Variants in RAB5IF observed in about 807,000 individuals in gnomAD.
RAB5IF encodes RAB5 interacting factor, also known as GEL complex subunit OPTI.
A neutral mutation model predicts 20.3 loss-of-function variants in RAB5IF; 15 were observed. The observed-to-expected ratio is 0.74, with a 90% confidence interval of 0.50 to 1.14. The LOEUF is 1.14. RAB5IF is among the 50% of genes most tolerant of loss of function. The pLI is 0.00. For missense variants in RAB5IF, 148 were observed against 159.5 expected, an observed-to-expected ratio of 0.93 and a Z score of 0.39; for synonymous variants, 67 against 63.7, an observed-to-expected ratio of 1.05 and a Z score of -0.25.
rs1423690325 is a variant in RAB5IF, at chr20:36,612,438, CT to C, written c.*389del. The C allele has an allele frequency of 1.7e-6, 1 of 596,180 alleles. No homozygotes were observed. Among genetic ancestry groups the C allele is most frequent in the African/African-American group, 1.9e-5 (1 of 53,780 alleles). 36.9% of individuals were successfully genotyped at this position (596,180 alleles called of 1,614,324 possible). A position where few individuals can be genotyped will look rare whatever the true frequency, so the allele number is the denominator to read the frequency against. ...TTAAACTATCAATGGCATTTCAAGT[CT>C]TCTGAAACAGCATGGCTGTATGTGC... is the stretch of plus-strand genomic sequence containing the variant. On this transcript the variant is annotated 3_prime_UTR_variant, in exon 4 of 4. Transcript: ENST00000344795.
At position 36,610,634 on chromosome 20, in the gene RAB5IF, G is replaced by A. The variant is rs111766067; in HGVS notation, c.348+904G>A. ...GGTGTGAACCTGGGAGGCAGAGCTT[G>A]CAGTGTGCCGAGATCGCGCCACTGC... is the stretch of plus-strand genomic sequence containing the variant. On this transcript the variant is annotated intron_variant, in intron 3 of 3. Coordinates refer to ENST00000344795, the MANE Select transcript of RAB5IF (RefSeq NM_018840.5). Among the ~76,000 whole-genome samples, 751 of 151,872 alleles carry A rather than the reference G, an allele frequency of 4.9e-3. 7 individuals are homozygous for A. Among genetic ancestry groups the A allele is most frequent in the African/African-American group, 0.017 (724 of 41,402 alleles).
chr20:36,608,537 G>T (rs2038987182), intron 2 of RAB5IF, among the ~76,000 whole-genome samples: 1 of 150,416 alleles, frequency 6.6e-6, no homozygotes, highest in African/African-American at 2.4e-5. Context: ...GAGTCAGCAG[G>T]TCTGGCATCG....
chr20:36,610,748 G>C (rs2039090904), intron 3 of RAB5IF, among the ~76,000 whole-genome samples: 1 of 151,544 alleles, frequency 6.6e-6, no homozygotes, highest in Non-Finnish European at 1.5e-5. Context: ...TAACATGGAT[G>C]AACCTTAAAA....
chr20:36,609,228 C>CAA, intron 2 of RAB5IF, among the ~76,000 whole-genome samples: 1 of 125,282 alleles, frequency 8.0e-6, no homozygotes, highest in South Asian at 2.6e-4. Flanking sequence ...CGCACACACA[C>CAA]ACACACACAC....
Position 36,612,101 on chromosome 20 carries a change from A to T in RAB5IF, c.*50A>T. The T allele has an allele frequency of 6.2e-7, 1 of 1,614,156 alleles. No individual in the cohort carries two copies. The highest frequency in any genetic ancestry group is 8.5e-7 in the Non-Finnish European group (1 of 1,180,022). On this transcript the variant is annotated 3_prime_UTR_variant, in exon 4 of 4. Transcript: ENST00000344795. ...CTATCCAGTCCAAAGGACCCTCTTG[A>T]TTACAGCACAGGAACTTGATCGTTG...
chr20:36,610,492 G>C (rs2039081705), intron 3 of RAB5IF, among the ~76,000 whole-genome samples: 1 of 151,948 alleles, frequency 6.6e-6, no homozygotes, highest in African/African-American at 2.4e-5. Flanking sequence ...ACAAGGTCAG[G>C]AGATCAAGAC....
At chr20:36,609,256 CT>C (rs1237449521) in intron 2 of RAB5IF, among the ~76,000 whole-genome samples, 51 of 121,628 alleles carry the variant, frequency 4.2e-4, no homozygotes, top group African/African-American at 4.5e-4. Flanking sequence ...CACACACACA[CT>C]ATATATAGAG....
chr20:36,609,219 G>GCA (rs1555790838), intron 2 of RAB5IF, among the ~76,000 whole-genome samples: 11 of 42,822 alleles, frequency 2.6e-4, no homozygotes, highest in Non-Finnish European at 4.0e-4. Flanking sequence ...ACGCACACAC[G>GCA]CACACACACA....
intron 1 of RAB5IF, 106 bp downstream of exon 1, chr20:36,606,171 T>A: frequency 1.5e-6 from 1 of 681,284 alleles, no homozygotes; most frequent in Non-Finnish European, 2.3e-6. Flanking sequence ...CACAATCGAG[T>A]AGGGCAGTGG....
intron 2 of RAB5IF, among the ~76,000 whole-genome samples, chr20:36,609,201 A>G (rs1226931903): frequency 1.7e-5 from 1 of 59,458 alleles, no homozygotes; most frequent in African/African-American, 8.1e-5. Context: ...ACACGCACAC[A>G]CGCACACACG....
At chr20:36,609,821 G>A in intron 3 of RAB5IF, 91 bp downstream of exon 3, 6 of 1,610,484 alleles carry the variant, frequency 3.7e-6, no homozygotes, top group East Asian at 2.2e-5. Flanking sequence ...GTTACACTGT[G>A]TGAGCAGGGT....
intron 2 of RAB5IF, among the ~76,000 whole-genome samples, chr20:36,608,556 CTTT>C (rs34058641): frequency 5.8e-4 from 61 of 104,910 alleles, no homozygotes; most frequent in African/African-American, 2.0e-3. Flanking sequence ...CGGTCTCATT[CTTT>C]TTTTTTTTTT....
chr20:36,607,938 C>G (rs543334461), intron 2 of RAB5IF, 120 bp downstream of exon 2: 2 of 1,532,916 alleles, frequency 1.3e-6, no homozygotes, highest in South Asian at 1.2e-5. Context: ...ATGACTAAAG[C>G]AAAGAAGCAG....
chr20:36,609,870 C>T (rs2039066799), intron 3 of RAB5IF, 140 bp downstream of exon 3: 11 of 1,483,030 alleles, frequency 7.4e-6, no homozygotes, highest in Admixed American at 1.8e-5. Context: ...AGGGCCATGG[C>T]CTGTGTTGAG....
chr20:36,609,555 TCTAAG>T (rs1452850408), intron 2 of RAB5IF, 41 bp from the exon 3 acceptor site: 2 of 1,539,266 alleles, frequency 1.3e-6, no homozygotes, highest in African/African-American at 2.8e-5. Flanking sequence ...TTCTGAGTCT[TCTAAG>T]CTTTCAATTT....
chr20:36,608,146 T>C, intron 2 of RAB5IF: 1 of 371,696 alleles, frequency 2.7e-6, no homozygotes, highest in Non-Finnish European at 5.1e-6. Context: ...TGTGCGAGTT[T>C]GGGAAGTAGG....
chr20:36,609,047 T>C (rs2039003388), intron 2 of RAB5IF, among the ~76,000 whole-genome samples: 1 of 151,648 alleles, frequency 6.6e-6, no homozygotes, highest in Middle Eastern at 3.4e-3. Flanking sequence ...CACATGTTTT[T>C]CTCCCATAGC....
In RAB5IF at chr20:36,612,314, A is replaced by G. The variant is rs2039144671; in HGVS notation, c.*263A>G. On this transcript the variant is annotated 3_prime_UTR_variant, in exon 4 of 4. Coordinates refer to ENST00000344795, the MANE Select transcript of RAB5IF (RefSeq NM_018840.5). ...TCTTGGATACCATCAAGTAACAGCT[A>G]TTATTTGCCAAGTGGAGCTGTCATT... 7.4e-6 allele frequency: 9 copies of G among 1,213,700 alleles called. No individual in the cohort carries two copies. The highest frequency in any genetic ancestry group is 1.2e-5 in the South Asian group (1 of 80,010). The allele number at this position is 1,213,700 out of a possible 1,614,324, so 75.2% of individuals were successfully genotyped here. A position where few individuals can be genotyped will look rare whatever the true frequency, so the allele number is the denominator to read the frequency against.
intron 2 of RAB5IF, among the ~76,000 whole-genome samples, chr20:36,609,232 C>CT (rs1568595679): frequency 3.1e-4 from 40 of 128,934 alleles, no homozygotes; most frequent in African/African-American, 1.3e-3. Context: ...CACACACACA[C>CT]ACACACACAC....
Sources: allele counts gnomAD v4.1 joint callset (sites outside exome capture counted in the v4.1 genomes callset), GRCh38; gene constraint gnomAD v4.1.1; transcripts MANE v1.5; gene names NCBI Gene and HGNC (gene_info 2026-07-23, HGNC 2026-07-21).